The following WASHC5 variants were observed in gnomAD, a reference collection of about 807,000 sequenced individuals.
WASHC5 encodes WASH complex subunit strumpellin.
WASHC5 carries 101 observed loss-of-function variants against 150.4 expected under a neutral mutation model. That is an observed-to-expected ratio of 0.67 (90% CI 0.57 to 0.79). The LOEUF (loss-of-function observed/expected upper bound fraction) is 0.79. Among genes scored for constraint, WASHC5 ranks in the 30% least tolerant of loss-of-function variants. The pLI is 0.00. For synonymous variants in WASHC5, 467 were observed against 491.2 expected (o/e 0.95, Z 0.65); for missense variants, 1,195 against 1,396.3 (o/e 0.86, Z 2.30).
At chr8:125,025,577 A>T (rs936704384) in intron 28 of WASHC5, among the ~76,000 whole-genome samples, 1 of 151,930 alleles carries the variant, frequency 6.6e-6, no homozygotes, top group African/African-American at 2.4e-5. Context: ...AATCACAGCT[A>T]CTCAGGAGGC....
chr8:125,078,029 TTA>T (rs1386974982), intron 6 of WASHC5, among the ~76,000 whole-genome samples: 3 of 152,186 alleles, frequency 2.0e-5, no homozygotes, highest in African/African-American at 7.2e-5. Context: ...ATATCCACAG[TTA>T]TCACAGGCCT....
chr8:125,049,585 G>A (rs1816178347), intron 18 of WASHC5, among the ~76,000 whole-genome samples: 1 of 148,844 alleles, frequency 6.7e-6, no homozygotes, highest in Non-Finnish European at 1.5e-5. Context: ...CCAGGCTCAT[G>A]CCTGTAATCT....
At chr8:125,062,103 A>G (rs1264990782) in intron 11 of WASHC5, among the ~76,000 whole-genome samples, 1 of 152,134 alleles carries the variant, frequency 6.6e-6, no homozygotes, top group East Asian at 1.9e-4. Flanking sequence ...AATTGGCATG[A>G]CAAACACTCA....
chr8:125,060,519 T>G (rs1212439960), intron 12 of WASHC5, among the ~76,000 whole-genome samples: 1 of 152,102 alleles, frequency 6.6e-6, no homozygotes, highest in East Asian at 1.9e-4. Flanking sequence ...ATTATTTTTC[T>G]GCTGCTTTTA....
rs1815568274 is a variant in WASHC5, at chr8:125,032,362, C to T, written c.3214G>A (p.Asp1072Asn). 1.2e-6 allele frequency: 2 copies of T among 1,614,164 alleles called. No homozygotes were observed. The highest frequency in any genetic ancestry group is 1.7e-6 in the Non-Finnish European group (2 of 1,180,028). ...AGTCCCAGGACAAGTGGTGGCCAAT[C>T]AACCGGGTCGGTCGGTTTTCGGCAG... ...MVCRKPTDPVDWPPLVLGLLT... is the reference protein window; with the variant it reads ...MVCRKPTDPVNWPPLVLGLLT... Residue 1072 changes from aspartate to asparagine, a missense_variant, in exon 27 of 29, where the codon GAT (aspartate) becomes AAT (asparagine). Transcript: ENST00000318410.
At chr8:125,059,111 AAATT>A in intron 14 of WASHC5, 107 bp downstream of exon 14, 1 of 794,098 alleles carries the variant, frequency 1.3e-6, no homozygotes, top group Admixed American at 2.1e-5. Flanking sequence ...AAAAATATTG[AAATT>A]ATTTACCTTC....
At chr8:125,027,697 A>T (rs942746213) in intron 28 of WASHC5, among the ~76,000 whole-genome samples, 2 of 152,218 alleles carry the variant, frequency 1.3e-5, no homozygotes, top group African/African-American at 4.8e-5. Context: ...GTGCATCAAA[A>T]TCTCACAAAT....
intron 5 of WASHC5, 103 bp downstream of exon 5, chr8:125,081,558 C>T (rs1817263146): frequency 1.3e-6 from 1 of 787,396 alleles, no homozygotes; most frequent in African/African-American, 1.7e-5. Context: ...ACTTTCTTAT[C>T]TATTCTTGGA....
At position 125,047,250 on chromosome 8, in the gene WASHC5, T is replaced by A; in HGVS notation, c.2461A>T (p.Ile821Phe). 1.9e-6 allele frequency: 3 copies of A among 1,614,096 alleles called. No individual in the cohort carries two copies. The highest frequency in any genetic ancestry group is 2.5e-6 in the Non-Finnish European group (3 of 1,179,976). ...AGGATTTCTCTGCAGAGTCGACCAA[T>A]AAACGTTACAGACTCATCCACAGGG... ...FTPVDESVTF[I>F]GRLCREILRI... Residue 821 changes from isoleucine (I) to phenylalanine (F), a missense_variant, in exon 20 of 29, where the codon ATT (isoleucine) becomes TTT (phenylalanine). This residue lies in a region of WASHC5 where 997 missense variants were observed against 1,168.1 expected (regional missense o/e 0.85). Transcript: ENST00000318410.
chr8:125,046,819 C>G (rs545938231), intron 20 of WASHC5, among the ~76,000 whole-genome samples: 40 of 152,198 alleles, frequency 2.6e-4, no homozygotes, highest in Non-Finnish European at 5.4e-4. Context: ...TTCTAAGGAG[C>G]GCACAACCTA....
chr8:125,041,444 A>T (rs974960497), intron 23 of WASHC5, among the ~76,000 whole-genome samples: 3 of 152,142 alleles, frequency 2.0e-5, no homozygotes, highest in Non-Finnish European at 2.9e-5. Flanking sequence ...GTTCGAGACC[A>T]AGCCTGGCCA....
At chr8:125,037,178 A>G (rs1198438959) in intron 26 of WASHC5, 59 bp downstream of exon 26, 6 of 946,190 alleles carry the variant, frequency 6.3e-6, no homozygotes, top group Admixed American at 5.1e-5. Context: ...AAAGCTATTT[A>G]GTTAAATGTT....
intron 9 of WASHC5, among the ~76,000 whole-genome samples, chr8:125,072,369 C>T (rs113675208): frequency 1.5e-4 from 7 of 45,454 alleles, no homozygotes; most frequent in African/African-American, 5.6e-4. Flanking sequence ...GGGGGGCGGG[C>T]TCTTATTTTA....
At position 125,073,155 on chromosome 8, in the gene WASHC5, G is replaced by A. The variant is rs1269297223; in HGVS notation, c.1148C>T (p.Ser383Leu). The A allele has an allele frequency of 1.9e-6, 3 of 1,614,034 alleles. No homozygotes were observed. The highest frequency in any genetic ancestry group is 2.5e-6 in the Non-Finnish European group (3 of 1,179,916). The change falls in exon 9 of 29, where the codon TCA (serine) becomes TTA (leucine). Residue 383 changes from serine (S) to leucine (L), a missense_variant and splice_region_variant. Ser to Leu is a moderately radical substitution (Grantham distance 145). Transcript: ENST00000318410. Reference protein sequence around the residue: ...IRWLMLHTADSACDPNNKRLR... With the variant: ...IRWLMLHTADLACDPNNKRLR... ...CGGCCACCCCTTTTGTGCATTACCT[G>A]AGTCTGCTGTATGAAGCATCAGCCA...
At chr8:125,042,819 C>T (rs533630940) in intron 23 of WASHC5, among the ~76,000 whole-genome samples, 1 of 152,288 alleles carries the variant, frequency 6.6e-6, no homozygotes, top group African/African-American at 2.4e-5. Context: ...CTAGCAGAGC[C>T]ATGGGCTCCT....
chr8:125,075,297 C>T (rs1817021098), intron 7 of WASHC5, among the ~76,000 whole-genome samples, 186 bp from the exon 8 acceptor site: 1 of 152,088 alleles, frequency 6.6e-6, no homozygotes, highest in African/African-American at 2.4e-5. Flanking sequence ...ATTGTTAATT[C>T]ACGTTAATAG....
intron 23 of WASHC5, among the ~76,000 whole-genome samples, chr8:125,041,244 G>A (rs900517175): frequency 2.6e-5 from 4 of 152,112 alleles, no homozygotes; most frequent in Admixed American, 6.5e-5. Context: ...TAAAAGACTG[G>A]CAAAGGGGAG....
At chr8:125,028,851 G>A in intron 27 of WASHC5, 144 bp from the exon 28 acceptor site, 1 of 676,966 alleles carries the variant, frequency 1.5e-6, no homozygotes, top group Non-Finnish European at 2.7e-6. Flanking sequence ...CTTAATTCCT[G>A]TCAAGTTGTT....
At chr8:125,068,979 G>C (rs777395343) in intron 9 of WASHC5, among the ~76,000 whole-genome samples, 51 of 152,240 alleles carry the variant, frequency 3.3e-4, no homozygotes, top group Non-Finnish European at 6.2e-4. Context: ...AGAGTAAGTA[G>C]AATAAGGCAA....
Sources: allele counts gnomAD v4.1 joint callset (sites outside exome capture counted in the v4.1 genomes callset), GRCh38; gene constraint gnomAD v4.1.1; regional missense constraint gnomAD v4.1.1; transcripts MANE v1.5; gene names NCBI Gene and HGNC (gene_info 2026-07-23, HGNC 2026-07-21).